PPRC1: variants seen among roughly 807,000 people sequenced by gnomAD.
The protein encoded by PPRC1 is peroxisome proliferator-activated receptor gamma coactivator-related protein 1.
PPRC1 carries 23 observed loss-of-function variants against 132.5 expected under a neutral mutation model. The ratio of observed to expected loss-of-function variants is 0.17; its 90% CI spans 0.12 to 0.25. The LOEUF is 0.25. Ranked by LOEUF, PPRC1 falls within the 10% of genes least tolerant of loss-of-function variation. PPRC1 has a pLI of 1.00. For missense variants in PPRC1, 2,006 were observed against 2,089.1 expected (o/e 0.96, Z 0.78); for synonymous variants, 872 against 833.5 (o/e 1.05, Z -0.80).
chr10:102,137,944 T>C lies in PPRC1; in HGVS notation c.248T>C (p.Leu83Pro). The change falls in exon 2 of 14, where the codon CTA becomes CCA. Residue 83 changes from leucine to proline, a missense_variant. Coordinates refer to ENST00000278070, the MANE Select transcript of PPRC1 (RefSeq NM_015062.5). ...GACAAGGACCTGGAAATGGAGGAGC[T>C]AATGCTGCAGGATGAGACACTGCTG... ...LRDKDLEMEE[L>P]MLQDETLLGT... 3 of 1,614,158 alleles carry C rather than the reference T, an allele frequency of 1.9e-6. No homozygotes were observed. The East Asian group carries it at 6.7e-5, about 36-fold the overall frequency.
Position 102,141,215 on chromosome 10 carries a change from C to G in PPRC1, c.2707C>G (p.Pro903Ala), listed in dbSNP as rs774173927. ...ACCTCCCTTGCAGCCTCCTAGTCTT[C>G]CATTGTCTATGGGGCCAGTACTACC... is the stretch of plus-strand genomic sequence containing the variant. ...PPPPLQPPSL[P>A]LSMGPVLPDP... Residue 903 changes from proline to alanine, a missense_variant, in exon 5 of 14, where the codon CCA (proline) becomes GCA (alanine). By Grantham distance (27) the Pro-to-Ala change is conservative. Transcript: ENST00000278070. 5.6e-6 allele frequency: 9 copies of G among 1,613,990 alleles called. No individual in the cohort carries two copies. In the East Asian group the frequency reaches 6.7e-5, roughly 12 times the overall value.
At chr10:102,133,441 G>C (rs1395082177) in intron 1 of PPRC1, among the ~76,000 whole-genome samples, 1 of 152,124 alleles carries the variant, frequency 6.6e-6, no homozygotes, top group Non-Finnish European at 1.5e-5. Context: ...GGGGGAGAGC[G>C]GGGTGTCGGA....
rs139199277 is a variant in PPRC1, at chr10:102,137,866, A to T, written c.170A>T (p.Glu57Val). The T allele has an allele frequency of 6.2e-7, 1 of 1,613,632 alleles. No homozygotes were observed. Among genetic ancestry groups the T allele is most frequent in the Non-Finnish European group, 8.5e-7 (1 of 1,179,866 alleles). Residue 57 changes from glutamate (E) to valine (V), a missense_variant, in exon 2 of 14, where the codon GAG (glutamate) becomes GTG (valine). Physicochemically the swap from Glu to Val is moderately radical, Grantham distance 121. This residue lies in a region of PPRC1 where 1,914 missense variants were observed against 1,917.2 expected (regional missense o/e 1.00). Coordinates refer to ENST00000278070, the MANE Select transcript of PPRC1 (RefSeq NM_015062.5). ...CTGCTCCAGGTGCTGCTGCATGAGG[A>T]GGCGGGTGATTCTGGCTTTGTCAGT... ...SGGEQVLLHEEAGDSGFVSLS... is the reference protein window; with the variant it reads ...SGGEQVLLHEVAGDSGFVSLS...
upstream of PPRC1, among the ~76,000 whole-genome samples, chr10:102,128,923 C>CT (rs1027475920): frequency 0.018 from 1,347 of 75,614 alleles, 17 homozygotes; most frequent in African/African-American, 0.021. Flanking sequence ...CAGCGGCAGT[C>CT]TTTTTTTTTT....
rs914734639 is a variant in PPRC1 at position 102,141,754 on chromosome 10, A to G, written c.3246A>G (p.Leu1082=). The change falls in exon 5 of 14, where the codon CTA becomes CTG. Residue 1082 remains leucine (L), a synonymous_variant. Transcript: ENST00000278070. ...TGCAAAGTCCCCAGATGAAGGCTCT[A>G]GCATGTGTGTCTGCTGAAGGTGTGA... is the stretch of plus-strand genomic sequence containing the variant. ...ALVQSPQMKA[L]ACVSAEGVTV... 1 of 1,613,856 alleles carries G rather than the reference A, an allele frequency of 6.2e-7. No individual in the cohort carries two copies. Among genetic ancestry groups the G allele is most frequent in the Non-Finnish European group, 8.5e-7 (1 of 1,179,930 alleles).
rs1337722621 is a variant in PPRC1 at position 102,140,666 on chromosome 10, A to G, written c.2158A>G (p.Lys720Glu). Reference sequence around the variant, plus strand: ...GGAGTCAGAGTCCTTGGACCCACCAAAGACCATCATCCCTGAAGTCAAAGA... The same window carrying G: ...GGAGTCAGAGTCCTTGGACCCACCAGAGACCATCATCCCTGAAGTCAAAGA... ...LVESESLDPP[K>E]TIIPEVKEVV... The change falls in exon 5 of 14, where the codon AAG becomes GAG. Residue 720 changes from lysine to glutamate, a missense_variant. Lys to Glu is a moderately conservative substitution (Grantham distance 56). Coordinates refer to ENST00000278070, the MANE Select transcript of PPRC1 (RefSeq NM_015062.5). 3.1e-6 allele frequency: 5 copies of G among 1,614,048 alleles called. No homozygotes were observed. The highest frequency in any genetic ancestry group is 4.2e-6 in the Non-Finnish European group (5 of 1,180,008).
At chr10:102,143,769 C>T (rs1164548955) in intron 6 of PPRC1, among the ~76,000 whole-genome samples, 1 of 152,126 alleles carries the variant, frequency 6.6e-6, no homozygotes, top group Non-Finnish European at 1.5e-5. Context: ...TGGCATATGG[C>T]ACATTTGAAA....
the PPRC1 span, chr10:102,120,407 C>G: frequency 1.0e-6 from 1 of 982,534 alleles, no homozygotes; most frequent in Non-Finnish European, 1.2e-6. Flanking sequence ...GTGTGCGTGT[C>G]TGTGCGCTCC....
chr10:102,124,781 T>C, the PPRC1 span, among the ~76,000 whole-genome samples: 1 of 151,902 alleles, frequency 6.6e-6, no homozygotes, highest in Admixed American at 6.6e-5. Flanking sequence ...TAGCTAGGAC[T>C]ATAGGTACAC....
chr10:102,139,205 C>T lies in PPRC1; in HGVS notation c.697C>T (p.Arg233Cys), dbSNP rs139183184. Residue 233 changes from arginine to cysteine, a missense_variant, in exon 5 of 14, where the codon CGC becomes TGC. By Grantham distance (180) the Arg-to-Cys change is radical. Around this residue, in one of 2 missense-constraint regions of PPRC1, gnomAD observed 1,914 missense variants for 1,917.2 expected, o/e 1.00. Transcript: ENST00000278070. ...CTGGAGACCCCCAAGATCAAGACCACGCTGGGGCCAATCCCCACCTCCCCA... is the reference window on the plus strand; with the variant it reads ...CTGGAGACCCCCAAGATCAAGACCATGCTGGGGCCAATCCCCACCTCCCCA... ...PSWRPPRSRP[R>C]WGQSPPPQQR... The T allele has an allele frequency of 1.3e-5, 21 of 1,614,084 alleles. No individual in the cohort carries two copies. The highest frequency in any genetic ancestry group is 2.2e-5 in the East Asian group (1 of 44,896).
In PPRC1 at chr10:102,148,602, G is replaced by A. The variant is rs747792229; in HGVS notation, c.4551-26G>A. The A allele has an allele frequency of 6.2e-7, 1 of 1,613,854 alleles. No homozygotes were observed. Among genetic ancestry groups the A allele is most frequent in the South Asian group, 1.1e-5 (1 of 91,066 alleles). ...AGTCTTGAATTGTCTTATGTTTGGG[G>A]GGCTGATGACACCCTCTTTTGTCAG... On this transcript the variant is annotated intron_variant, in intron 10 of 13. Coordinates refer to ENST00000278070, the MANE Select transcript of PPRC1 (RefSeq NM_015062.5). The surrounding 1 kb of genome is among the most constrained non-coding windows in gnomAD (Gnocchi z 4.2).
the PPRC1 span, among the ~76,000 whole-genome samples, chr10:102,123,520 A>G: frequency 6.6e-6 from 1 of 152,192 alleles, no homozygotes; most frequent in Non-Finnish European, 1.5e-5. Context: ...TAAAATTCAC[A>G]TAACATAAAA....
chr10:102,120,606 G>A, the PPRC1 span, among the ~76,000 whole-genome samples: 1 of 152,104 alleles, frequency 6.6e-6, no homozygotes, highest in Admixed American at 6.5e-5. Context: ...TGCGTGCGCC[G>A]CGCGGCGGGC....
rs868562120 is a variant in PPRC1, at chr10:102,138,752, G to A, written c.476G>A (p.Arg159Gln). 5.0e-6 allele frequency: 8 copies of A among 1,614,008 alleles called. No homozygotes were observed. The highest frequency in any genetic ancestry group is 2.7e-5 in the African/African-American group (2 of 74,912). The part of the protein sequence containing the change: ...IPDSELLVSP[R>Q]EGSSLHKLLT... Reference sequence around the variant, plus strand: ...GATTCGGAGCTGCTTGTGTCACCCCGGGAGGGCTCCTCTGTGAGTGTGGGA... The same window carrying A: ...GATTCGGAGCTGCTTGTGTCACCCCAGGAGGGCTCCTCTGTGAGTGTGGGA... The change falls in exon 3 of 14, where the codon CGG becomes CAG. Residue 159 changes from arginine (R) to glutamine (Q), a missense_variant. Arg to Gln is a conservative substitution (Grantham distance 43, BLOSUM62 1). Around this residue, in one of 2 missense-constraint regions of PPRC1, gnomAD observed 1,914 missense variants for 1,917.2 expected, o/e 1.00. Coordinates refer to ENST00000278070, the MANE Select transcript of PPRC1 (RefSeq NM_015062.5).
At chr10:102,145,211 A>G (rs2069169869) in intron 8 of PPRC1, 121 bp downstream of exon 8, 3 of 929,734 alleles carry the variant, frequency 3.2e-6, no homozygotes, top group Non-Finnish European at 4.8e-6. Flanking sequence ...CAGCCTTGAG[A>G]TACTCACAGT....
upstream of PPRC1, among the ~76,000 whole-genome samples, chr10:102,132,782 C>G (rs1242533217): frequency 6.6e-6 from 1 of 152,220 alleles, no homozygotes; most frequent in African/African-American, 2.4e-5. Flanking sequence ...AACTTTCCCC[C>G]TAACTGCTGA....
rs1255483516 is a variant in PPRC1, at chr10:102,150,175, A to G, written c.*146A>G. On this transcript the variant is annotated 3_prime_UTR_variant, in exon 14 of 14. Transcript: ENST00000278070. ...AAAAGTGAAATAAAAAATATGTTGA[A>G]TCAGATTTTTTAAAAGGGGTATTTG... is the stretch of plus-strand genomic sequence containing the variant. The G allele has an allele frequency of 1.6e-6, 1 of 618,944 alleles. No individual in the cohort carries two copies. Among genetic ancestry groups the G allele is most frequent in the African/African-American group, 1.9e-5 (1 of 53,848 alleles). The allele number at this position is 618,944 out of a possible 1,614,324, so 38.3% of individuals were successfully genotyped here. A position where few individuals can be genotyped will look rare whatever the true frequency, so the allele number is the denominator to read the frequency against.
intron 8 of PPRC1, 101 bp downstream of exon 8, chr10:102,145,191 A>T: frequency 8.9e-7 from 1 of 1,128,748 alleles, no homozygotes; most frequent in South Asian, 1.5e-5. Context: ...GGACATAGAG[A>T]TCTGATCTCC....
At chr10:102,125,891 T>G in the PPRC1 span, among the ~76,000 whole-genome samples, 3 of 151,290 alleles carry the variant, frequency 2.0e-5, no homozygotes, top group Non-Finnish European at 3.0e-5. Context: ...AGACAGAGTT[T>G]CGCTCTTGTT....
Sources: gnomAD v4.1 joint callset for allele counts (sites outside exome capture counted in the v4.1 genomes callset) on GRCh38, gnomAD v4.1.1 for gene constraint, gnomAD v4.1.1 regional missense constraint, Gnocchi (gnomAD v3.1) non-coding constraint, MANE v1.5 for transcripts, NCBI Gene and HGNC (gene_info 2026-07-23, HGNC 2026-07-21) for gene names.